COA1: variants seen among roughly 807,000 people sequenced by gnomAD.
The protein encoded by COA1 is cytochrome c oxidase assembly factor 1, also known as cytochrome c oxidase assembly factor 1 homolog.
In COA1, 13 loss-of-function variants were observed where a neutral mutation model predicts 16.0. The observed-to-expected ratio is 0.81, with a 90% CI of 0.53 to 1.29. The LOEUF (loss-of-function observed/expected upper bound fraction) is 1.29, where lower values mean the gene tolerates loss of function less well. Ranked by LOEUF, COA1 falls within the 50% of genes most tolerant of loss-of-function variation. The pLI is 0.00. For missense variants in COA1, 179 were observed against 177.0 expected (o/e 1.01, Z -0.06); for synonymous variants, 65 against 65.7 (o/e 0.99, Z 0.05).
chr7:43,727,695 G>C (rs892918550), intron 1 of COA1, among the ~76,000 whole-genome samples: 1 of 152,238 alleles, frequency 6.6e-6, no homozygotes, highest in African/African-American at 2.4e-5. Flanking sequence ...TTAGGGCTTA[G>C]AATGGGGAGT....
intron 1 of COA1, among the ~76,000 whole-genome samples, chr7:43,689,424 G>A (rs1010379522): frequency 2.0e-5 from 3 of 152,144 alleles, no homozygotes; most frequent in Admixed American, 6.5e-5. Context: ...CACAGGGCAG[G>A]AAATCAGTCC....
rs2094643937 is a variant in COA1 at position 43,699,659 on chromosome 7, G to A, written c.-39+29770C>T. Among the ~76,000 whole-genome samples, 3 of 152,084 alleles carry A rather than the reference G, an allele frequency of 2.0e-5. No individual in the cohort carries two copies. In the South Asian group the frequency reaches 6.2e-4, roughly 32 times the overall value. Reference sequence around the variant, plus strand: ...TGTCCTACACAGAAGCTTATTTGATGGCTTCAAAGTGACACTAAGCATATT... The same window carrying A: ...TGTCCTACACAGAAGCTTATTTGATAGCTTCAAAGTGACACTAAGCATATT... On this transcript the variant is annotated intron_variant, in intron 1 of 5. Coordinates refer to ENST00000223336, the MANE Select transcript of COA1 (RefSeq NM_018224.4).
At chr7:43,643,597 T>C (rs2087815078) in intron 4 of COA1, among the ~76,000 whole-genome samples, 1 of 152,198 alleles carries the variant, frequency 6.6e-6, no homozygotes, top group Admixed American at 6.5e-5. Flanking sequence ...CACTGGACCA[T>C]CACCTCTGAC....
intron 4 of COA1, among the ~76,000 whole-genome samples, chr7:43,643,626 T>G (rs1287116797): frequency 2.0e-5 from 3 of 152,222 alleles, no homozygotes; most frequent in Admixed American, 1.3e-4. Flanking sequence ...TCCTGATACA[T>G]GACTGTTACC....
At position 43,619,734 on chromosome 7, in the gene COA1, A is replaced by G. The variant is rs1319499827; in HGVS notation, c.*134-10239T>C. 2.5e-6 allele frequency: 4 copies of G among 1,612,930 alleles called. No homozygotes were observed. In the East Asian group the frequency reaches 6.7e-5, roughly 27 times the overall value. ...CCCCTGAATATGTGGGTAAGTATTCATAAAAGTAGTTTTGTTCTGGGGTCA... is the reference window on the plus strand; with the variant it reads ...CCCCTGAATATGTGGGTAAGTATTCGTAAAAGTAGTTTTGTTCTGGGGTCA... On this transcript the variant is annotated intron_variant and NMD_transcript_variant, in intron 6 of 6. Coordinates refer to the COA1 transcript ENST00000415076.
intron 6 of COA1, among the ~76,000 whole-genome samples, chr7:43,613,966 TA>T (rs1463132110): frequency 6.6e-6 from 1 of 152,188 alleles, no homozygotes; most frequent in African/African-American, 2.4e-5. Context: ...GCAGGGGTAA[TA>T]AAAACATTCC....
At chr7:43,659,643 A>G (rs2092223138) in intron 1 of COA1, among the ~76,000 whole-genome samples, 1 of 152,194 alleles carries the variant, frequency 6.6e-6, no homozygotes, top group Non-Finnish European at 1.5e-5. Flanking sequence ...ATCAGTGACT[A>G]CAAAAGGAAT....
chr7:43,728,092 A>C (rs1007283967), intron 1 of COA1, among the ~76,000 whole-genome samples: 4 of 151,228 alleles, frequency 2.6e-5, no homozygotes, highest in African/African-American at 7.3e-5. Context: ...CTCCTGCCTC[A>C]GCCTCCCAAG....
chr7:43,646,099 C>G (rs934439898), intron 3 of COA1: 1 of 154,798 alleles, frequency 6.5e-6, no homozygotes, highest in Non-Finnish European at 1.4e-5. Flanking sequence ...GCTTCCCAAG[C>G]AGGGTGTTCA....
intron 6 of COA1, chr7:43,623,179 T>C (rs2084100440): frequency 6.0e-6 from 1 of 166,314 alleles, no homozygotes; most frequent in African/African-American, 2.4e-5. Flanking sequence ...AAGGCCCAGG[T>C]GAGAGGAGAA....
intron 1 of COA1, among the ~76,000 whole-genome samples, chr7:43,653,261 G>A (rs934621422): frequency 2.6e-5 from 4 of 151,892 alleles, no homozygotes; most frequent in African/African-American, 9.7e-5. Flanking sequence ...GCGGTGAGCC[G>A]AGATTGCGCC....
In COA1 at chr7:43,640,503, C is replaced by T. The variant is rs145984662; in HGVS notation, c.341+70G>A. 8.6e-4 allele frequency: 896 copies of T among 1,044,426 alleles called. 2 individuals carry two copies. Among genetic ancestry groups the T allele is most frequent in the Non-Finnish European group, 1.2e-3 (844 of 686,252 alleles). 64.7% of individuals were successfully genotyped at this position (1,044,426 alleles called of 1,614,324 possible). A position where few individuals can be genotyped will look rare whatever the true frequency, so the allele number is the denominator to read the frequency against. On this transcript the variant is annotated intron_variant, in intron 5 of 5. Transcript: ENST00000223336. ...ACAGTAATTTAACAACAAATGAAAA[C>T]GGAGTTGGGGTTGCTTTCATCAGGA...
intron 1 of COA1, among the ~76,000 whole-genome samples, chr7:43,700,572 A>T (rs564560813): frequency 3.3e-4 from 46 of 138,294 alleles, no homozygotes; most frequent in Non-Finnish European, 6.1e-4. Flanking sequence ...ATATGTACAC[A>T]TATATACGTG....
chr7:43,711,173 T>C (rs1190831926), intron 1 of COA1, among the ~76,000 whole-genome samples: 1 of 151,986 alleles, frequency 6.6e-6, no homozygotes, highest in East Asian at 1.9e-4. Flanking sequence ...ATGAGGGTAT[T>C]AAAGGCTCAT....
intron 6 of COA1, among the ~76,000 whole-genome samples, chr7:43,628,426 G>T (rs2084835638): frequency 6.6e-6 from 1 of 152,182 alleles, no homozygotes; most frequent in South Asian, 2.1e-4. Context: ...CTTGTACAGG[G>T]ATTTTTGTGG....
At chr7:43,715,512 A>C (rs2131929817) in intron 1 of COA1, among the ~76,000 whole-genome samples, 1 of 152,096 alleles carries the variant, frequency 6.6e-6, no homozygotes. Flanking sequence ...GCTTCATATA[A>C]GCTTGTTTAC....
At chr7:43,669,029 A>G (rs905429438) in intron 1 of COA1, among the ~76,000 whole-genome samples, 3 of 152,174 alleles carry the variant, frequency 2.0e-5, no homozygotes, top group Non-Finnish European at 1.5e-5. Flanking sequence ...ATCAAACTCC[A>G]AATAGTGCTG....
intron 6 of COA1, among the ~76,000 whole-genome samples, chr7:43,613,597 C>T (rs548036132): frequency 4.6e-5 from 7 of 152,066 alleles, no homozygotes; most frequent in Non-Finnish European, 7.4e-5. Context: ...AATCCCAGCA[C>T]TTTGGGAGGC....
chr7:43,680,163 A>G (rs2093699013), intron 1 of COA1, among the ~76,000 whole-genome samples: 1 of 152,038 alleles, frequency 6.6e-6, no homozygotes, highest in Non-Finnish European at 1.5e-5. Context: ...ACTACCCTTG[A>G]TAAGGATATT....
Sources: allele counts gnomAD v4.1 joint callset (sites outside exome capture counted in the v4.1 genomes callset), GRCh38; gene constraint gnomAD v4.1.1; transcripts MANE v1.5; gene names NCBI Gene and HGNC (gene_info 2026-07-23, HGNC 2026-07-21).